The following USP14 variants were observed in gnomAD, a reference collection of about 807,000 sequenced individuals.
USP14 encodes ubiquitin carboxyl-terminal hydrolase 14.
A neutral mutation model predicts 76.5 loss-of-function variants in USP14; 38 were observed. The observed-to-expected ratio is 0.50, with a 90% CI of 0.38 to 0.65. USP14 has a LOEUF of 0.65. Among genes scored for constraint, USP14 ranks in the 30% least tolerant of loss-of-function variants. The pLI, the probability that USP14 is intolerant of heterozygous loss-of-function variation, is 0.00. For missense variants in USP14, 467 were observed against 586.5 expected (o/e 0.80, Z 2.10); for synonymous variants, 192 against 191.7 (o/e 1.00, Z -0.01).
intron 5 of USP14, among the ~76,000 whole-genome samples, chr18:192,157 T>TGAGCAAACTGACCTAAAACC (rs1555601784): frequency 7.5e-6 from 1 of 134,156 alleles, no homozygotes; most frequent in African/African-American, 3.1e-5. Context: ...GTGTATGATT[T>TGAGCAAACTGACCTAAAACC]TTGATTGAAT....
chr18:178,744 T>C (rs1174660779), intron 3 of USP14, among the ~76,000 whole-genome samples, 189 bp from the exon 4 acceptor site: 1 of 152,206 alleles, frequency 6.6e-6, no homozygotes, highest in Non-Finnish European at 1.5e-5. Context: ...AAGAAACTTG[T>C]ACCATTTAAG....
chr18:175,917 T>C (rs1909613865), intron 3 of USP14, among the ~76,000 whole-genome samples: 1 of 152,188 alleles, frequency 6.6e-6, no homozygotes, highest in Non-Finnish European at 1.5e-5. Flanking sequence ...GTGTCTTTAA[T>C]AAATGTAGGA....
chr18:174,744 A>AT (rs1444442995), intron 3 of USP14, among the ~76,000 whole-genome samples: 2 of 151,570 alleles, frequency 1.3e-5, no homozygotes, highest in Non-Finnish European at 2.9e-5. Flanking sequence ...AGTTGGGACT[A>AT]TAGGCATGCA....
At position 213,150 on chromosome 18, in the gene USP14, CAA is replaced by C. The variant is rs200087025; in HGVS notation, c.*1868_*1869del. 2.6e-5 allele frequency: 4 copies of C among 152,044 alleles called. No homozygotes were observed. The highest frequency in any genetic ancestry group is 2.9e-5 in the Non-Finnish European group (2 of 67,986). 9.4% of individuals were successfully genotyped at this position (152,044 alleles called of 1,614,324 possible). A position where few individuals can be genotyped will look rare whatever the true frequency, so the allele number is the denominator to read the frequency against. On this transcript the variant is annotated 3_prime_UTR_variant, in exon 16 of 16. Transcript: ENST00000261601. ...TATTTGTATGATGCTTGTAACTTTG[CAA>C]AGTCTTTTTTATTCATTGTCTCATT...
chr18:186,633 A>G (rs1909937500), intron 5 of USP14, among the ~76,000 whole-genome samples: 1 of 151,430 alleles, frequency 6.6e-6, no homozygotes, highest in African/African-American at 2.4e-5. Flanking sequence ...GGCGCCTATA[A>G]TCCCAGCTAC....
At chr18:172,623 A>G (rs1439802636) in intron 3 of USP14, among the ~76,000 whole-genome samples, 1 of 152,160 alleles carries the variant, frequency 6.6e-6, no homozygotes, top group Non-Finnish European at 1.5e-5. Flanking sequence ...TTCAGGAACC[A>G]GTGCCGTGAT....
chr18:185,761 C>G (rs1318067337), intron 5 of USP14, among the ~76,000 whole-genome samples: 1 of 151,930 alleles, frequency 6.6e-6, no homozygotes, highest in Non-Finnish European at 1.5e-5. Context: ...GTGGCACGAT[C>G]ACAGATCACT....
intron 4 of USP14, 49 bp downstream of exon 4, chr18:179,086 C>T: frequency 7.4e-7 from 1 of 1,345,438 alleles, no homozygotes; most frequent in Admixed American, 2.1e-5. Flanking sequence ...TTTGAAGGAC[C>T]ATTATTAAGG....
intron 3 of USP14, among the ~76,000 whole-genome samples, chr18:172,860 A>G (rs1220982972): frequency 1.3e-5 from 2 of 152,118 alleles, no homozygotes; most frequent in Non-Finnish European, 2.9e-5. Flanking sequence ...CTTTATTGCG[A>G]TATTTGCTTT....
chr18:180,365 A>G, intron 5 of USP14, 26 bp downstream of exon 5: 2 of 1,432,184 alleles, frequency 1.4e-6, no homozygotes, highest in Non-Finnish European at 1.9e-6. Context: ...TTTTTGGGTA[A>G]GGGATGTTCA....
At chr18:161,748 G>T (rs1390734550) in intron 1 of USP14, among the ~76,000 whole-genome samples, 1 of 152,082 alleles carries the variant, frequency 6.6e-6, no homozygotes, top group African/African-American at 2.4e-5. Flanking sequence ...CAGTTGTGAG[G>T]TTCTTATTTT....
At chr18:173,898 C>T (rs1178244860) in intron 3 of USP14, among the ~76,000 whole-genome samples, 3 of 152,150 alleles carry the variant, frequency 2.0e-5, no homozygotes. Context: ...TTTCTGGATT[C>T]TGTTTTCTTC....
intron 5 of USP14, among the ~76,000 whole-genome samples, chr18:187,126 C>T (rs940334052): frequency 2.6e-5 from 4 of 152,056 alleles, no homozygotes; most frequent in Admixed American, 6.6e-5. Flanking sequence ...ACTGTTTACT[C>T]GTGAGTTTAT....
intron 7 of USP14, among the ~76,000 whole-genome samples, 179 bp from the exon 8 acceptor site, chr18:197,437 G>C (rs770243555): frequency 5.9e-5 from 9 of 152,176 alleles, no homozygotes; most frequent in Non-Finnish European, 1.0e-4. Context: ...GCAGATGTCT[G>C]TTGAATGAAT....
chr18:163,692 TG>T (rs1909187621), intron 2 of USP14, among the ~76,000 whole-genome samples: 1 of 152,212 alleles, frequency 6.6e-6, no homozygotes, highest in Non-Finnish European at 1.5e-5. Flanking sequence ...TTTTTACTTT[TG>T]TTTATTTTTA....
At chr18:209,526 C>T (rs1485757629) in intron 13 of USP14, among the ~76,000 whole-genome samples, 3 of 152,152 alleles carry the variant, frequency 2.0e-5, no homozygotes, top group Non-Finnish European at 2.9e-5. Flanking sequence ...TTTGTGCTGG[C>T]GTGGTAAGTG....
chr18:202,478 A>G (rs193164759), intron 10 of USP14, among the ~76,000 whole-genome samples: 1 of 152,350 alleles, frequency 6.6e-6, no homozygotes, highest in Admixed American at 6.5e-5. Flanking sequence ...GCTTTTATGC[A>G]TAAAACGTAA....
intron 5 of USP14, among the ~76,000 whole-genome samples, chr18:188,666 G>A (rs1910001438): frequency 6.6e-6 from 1 of 151,384 alleles, no homozygotes; most frequent in Admixed American, 6.6e-5. Context: ...CAGCTTTTTT[G>A]GGGTATTTTA....
intron 9 of USP14, among the ~76,000 whole-genome samples, 195 bp from the exon 10 acceptor site, chr18:199,007 A>G (rs1028581058): frequency 2.6e-5 from 4 of 152,118 alleles, no homozygotes; most frequent in Admixed American, 6.6e-5. Flanking sequence ...TTTATTACTC[A>G]TTGTTGTTTC....
Sources: gnomAD v4.1 joint callset for allele counts (sites outside exome capture counted in the v4.1 genomes callset) on GRCh38, gnomAD v4.1.1 for gene constraint, MANE v1.5 for transcripts, NCBI Gene and HGNC (gene_info 2026-07-23, HGNC 2026-07-21) for gene names.